LHFPL3: variants seen among roughly 807,000 people sequenced by gnomAD.
The protein encoded by LHFPL3 is LHFPL tetraspan subfamily member 3 protein.
In LHFPL3, 5 loss-of-function variants were observed where a neutral mutation model predicts 19.3. The ratio of observed to expected loss-of-function variants is 0.26; its 90% confidence interval spans 0.14 to 0.54. The LOEUF (loss-of-function observed/expected upper bound fraction) is 0.54, where lower values mean the gene tolerates loss of function less well. Among genes scored for constraint, LHFPL3 ranks in the 20% least tolerant of loss-of-function variants. The pLI is 0.94. For missense variants in LHFPL3, 249 were observed against 307.4 expected, an observed-to-expected ratio of 0.81 and a Z score of 1.42; for synonymous variants, 133 against 126.2, an observed-to-expected ratio of 1.05 and a Z score of -0.36.
At chr7:104,732,374 A>G (rs926967283) in intron 1 of LHFPL3, among the ~76,000 whole-genome samples, 4 of 152,184 alleles carry the variant, frequency 2.6e-5, no homozygotes, top group Admixed American at 6.5e-5. Context: ...TTGGTTGGTA[A>G]GCTATTAATT....
intron 1 of LHFPL3, among the ~76,000 whole-genome samples, chr7:104,383,118 CA>C (rs1790861474): frequency 6.6e-6 from 1 of 152,248 alleles, no homozygotes; most frequent in Non-Finnish European, 1.5e-5. Flanking sequence ...CTGATACCAA[CA>C]GTGACAACTC....
intron 1 of LHFPL3, among the ~76,000 whole-genome samples, chr7:104,456,507 G>A (rs1418652920): frequency 1.3e-5 from 2 of 152,182 alleles, no homozygotes; most frequent in Non-Finnish European, 2.9e-5. Context: ...ACTGTGCGTG[G>A]ATTTCTCTTT....
intron 1 of LHFPL3, among the ~76,000 whole-genome samples, chr7:104,457,450 A>C (rs1405284235): frequency 6.6e-6 from 1 of 152,102 alleles, no homozygotes; most frequent in Non-Finnish European, 1.5e-5. Context: ...TGAACTCATC[A>C]TTTTTATGGC....
chr7:104,668,177 A>C, intron 1 of LHFPL3: 1 of 1,613,954 alleles, frequency 6.2e-7, no homozygotes, highest in Admixed American at 1.7e-5. Flanking sequence ...GTTATGCTGA[A>C]TTTGAGGACC....
chr7:104,360,148 T>C (rs1218970008), intron 1 of LHFPL3, among the ~76,000 whole-genome samples: 2 of 152,160 alleles, frequency 1.3e-5, no homozygotes, highest in African/African-American at 4.8e-5. Flanking sequence ...CTTATACTTT[T>C]AAAGGGATGG....
intron 1 of LHFPL3, among the ~76,000 whole-genome samples, chr7:104,631,070 A>G (rs1256217605): frequency 6.6e-6 from 1 of 152,110 alleles, no homozygotes; most frequent in African/African-American, 2.4e-5. Context: ...AGCTGTTCAC[A>G]AGAAGGTGTC....
intron 2 of LHFPL3, among the ~76,000 whole-genome samples, chr7:104,879,171 T>C (rs2214083): frequency 0.58 from 87,787 of 152,070 alleles, 25,703 homozygotes; most frequent in African/African-American, 0.66. Context: ...AATCCCAGCA[T>C]TTTGGGAGGC....
chr7:104,489,582 G>A (rs183758780), intron 1 of LHFPL3, among the ~76,000 whole-genome samples: 2 of 151,254 alleles, frequency 1.3e-5, no homozygotes, highest in Non-Finnish European at 1.5e-5. Context: ...ACCAGAAAGG[G>A]AACACAAGGT....
chr7:104,340,332 A>T (rs1789921830), intron 1 of LHFPL3, among the ~76,000 whole-genome samples: 1 of 152,228 alleles, frequency 6.6e-6, no homozygotes, highest in African/African-American at 2.4e-5. Flanking sequence ...GAAAGAAAAT[A>T]AAGAAAAACT....
intron 2 of LHFPL3, among the ~76,000 whole-genome samples, chr7:104,797,508 G>A (rs571018804): frequency 1.8e-4 from 27 of 152,284 alleles, no homozygotes; most frequent in African/African-American, 6.5e-4. Flanking sequence ...GAGGAGCATG[G>A]AGCAGAGCCC....
intron 2 of LHFPL3, among the ~76,000 whole-genome samples, chr7:104,860,178 C>CCACA (rs10534227): frequency 0.018 from 2,315 of 128,940 alleles, 20 homozygotes; most frequent in East Asian, 0.028. Context: ...ATACACCCAC[C>CCACA]CACACACACA....
At chr7:104,666,527 T>G in intron 1 of LHFPL3, among the ~76,000 whole-genome samples, 1 of 78,540 alleles carries the variant, frequency 1.3e-5, no homozygotes, top group Non-Finnish European at 2.8e-5. Context: ...TTTTTTTTTT[T>G]TTTTTTTTTT....
At chr7:104,690,477 G>C (rs1792886686) in intron 1 of LHFPL3, among the ~76,000 whole-genome samples, 1 of 152,160 alleles carries the variant, frequency 6.6e-6, no homozygotes, top group African/African-American at 2.4e-5. Context: ...ATATCACACT[G>C]GTCCATTACA....
In LHFPL3 at chr7:104,571,208, A is replaced by C. The variant is rs552101591; in HGVS notation, c.446-165467A>C. 5.3e-5 allele frequency among the ~76,000 whole-genome samples: 8 copies of C among 152,334 alleles called. No homozygotes were observed. The East Asian group carries it at 7.7e-4, about 15-fold the overall frequency. ...AGTAATTCATACTTCTCATTTTTACATGATGCCCTGAAGTATCTACTTTAG... is the reference window on the plus strand; with the variant it reads ...AGTAATTCATACTTCTCATTTTTACCTGATGCCCTGAAGTATCTACTTTAG... On this transcript the variant is annotated intron_variant, in intron 1 of 2. Coordinates refer to ENST00000424859, the MANE Select transcript of LHFPL3 (RefSeq NM_199000.3).
At chr7:104,687,059 A>C (rs992393953) in intron 1 of LHFPL3, among the ~76,000 whole-genome samples, 1 of 152,248 alleles carries the variant, frequency 6.6e-6, no homozygotes, top group African/African-American at 2.4e-5. Context: ...TTACAATTCA[A>C]GATGAGATTT....
chr7:104,893,147 G>A (rs1051891023), intron 2 of LHFPL3, among the ~76,000 whole-genome samples: 4 of 151,874 alleles, frequency 2.6e-5, no homozygotes, highest in Non-Finnish European at 4.4e-5. Context: ...CCAAGAGTTC[G>A]AGGTTGCAAT....
chr7:104,734,191 T>C (rs913203856), intron 1 of LHFPL3, among the ~76,000 whole-genome samples: 2 of 152,224 alleles, frequency 1.3e-5, no homozygotes, highest in Middle Eastern at 3.2e-3. Context: ...CTGACAATTA[T>C]GTATCTTGGA....
intron 2 of LHFPL3, among the ~76,000 whole-genome samples, chr7:104,773,128 A>G (rs1203972772): frequency 6.6e-6 from 1 of 152,146 alleles, no homozygotes; most frequent in African/African-American, 2.4e-5. Context: ...GTTGTCATCC[A>G]CATTAGCTGC....
intron 1 of LHFPL3, among the ~76,000 whole-genome samples, chr7:104,655,604 G>A (rs1169884099): frequency 6.6e-6 from 1 of 152,210 alleles, no homozygotes; most frequent in Non-Finnish European, 1.5e-5. Flanking sequence ...GTATCGGATT[G>A]TTTGTAGTAG....
Sources: gnomAD v4.1 joint callset for allele counts (sites outside exome capture counted in the v4.1 genomes callset) on GRCh38, gnomAD v4.1.1 for gene constraint, MANE v1.5 for transcripts, NCBI Gene and HGNC (gene_info 2026-07-23, HGNC 2026-07-21) for gene names.